The following ADGB variants were observed in gnomAD, a reference collection of about 807,000 sequenced individuals.
ADGB encodes calpain-7-like protein.
Under a neutral mutation model 210.5 loss-of-function variants are expected in ADGB, and 172 were observed. That is an observed-to-expected ratio of 0.82 (90% confidence interval 0.72 to 0.93). The LOEUF is 0.93. Ranked by LOEUF, ADGB falls within the 40% of genes least tolerant of loss-of-function variation. ADGB has a pLI of 0.00. For synonymous variants in ADGB, 658 were observed against 662.7 expected (o/e 0.99, Z 0.11); for missense variants, 2,025 against 1,964.8 (o/e 1.03, Z -0.58).
At chr6:146,624,516 G>T (rs907283282) in intron 1 of ADGB, among the ~76,000 whole-genome samples, 1 of 151,596 alleles carries the variant, frequency 6.6e-6, no homozygotes, top group African/African-American at 2.4e-5. Flanking sequence ...TCTTTGATCT[G>T]CTCTATTATT....
intron 27 of ADGB, among the ~76,000 whole-genome samples, chr6:146,760,855 G>T (rs73583044): frequency 0.025 from 3,808 of 151,894 alleles, 147 homozygotes; most frequent in African/African-American, 0.086. Flanking sequence ...GACTAATGAT[G>T]TTGAGCATCT....
chr6:146,796,109 GA>G (rs946833113), intron 33 of ADGB, among the ~76,000 whole-genome samples: 1 of 151,524 alleles, frequency 6.6e-6, no homozygotes, highest in Non-Finnish European at 1.5e-5. Context: ...TAGCTGCAAA[GA>G]AAAAAAACTT....
At chr6:146,658,297 T>C (rs1376944804) in intron 5 of ADGB, among the ~76,000 whole-genome samples, 1 of 152,158 alleles carries the variant, frequency 6.6e-6, no homozygotes, top group African/African-American at 2.4e-5. Flanking sequence ...TTTATCTTAT[T>C]TATTTACCAA....
chr6:146,766,140 G>A (rs1255333401), intron 28 of ADGB, among the ~76,000 whole-genome samples: 1 of 151,214 alleles, frequency 6.6e-6, no homozygotes, highest in Non-Finnish European at 1.5e-5. Flanking sequence ...GGTGAGGGGG[G>A]CGGTGAGCGC....
At chr6:146,678,649 G>A (rs540853527) in intron 9 of ADGB, among the ~76,000 whole-genome samples, 6 of 151,968 alleles carry the variant, frequency 3.9e-5, no homozygotes, top group South Asian at 4.1e-4. Context: ...TTATGACAAC[G>A]GTCATTACAA....
intron 3 of ADGB, among the ~76,000 whole-genome samples, chr6:146,653,743 AAAAAAT>A (rs1490432592): frequency 1.3e-5 from 2 of 152,322 alleles, no homozygotes; most frequent in Non-Finnish European, 2.9e-5. Flanking sequence ...CTTAAAAGTT[AAAAAAT>A]AAAAATAAAA....
chr6:146,669,321 TCAC>T (rs977539038), intron 7 of ADGB, among the ~76,000 whole-genome samples: 9 of 152,028 alleles, frequency 5.9e-5, no homozygotes, highest in African/African-American at 2.2e-4. Context: ...TATTTTCCAG[TCAC>T]CAGTTCATTT....
At chr6:146,640,209 G>C (rs1775486347) in intron 2 of ADGB, among the ~76,000 whole-genome samples, 1 of 151,978 alleles carries the variant, frequency 6.6e-6, no homozygotes, top group African/African-American at 2.4e-5. Context: ...GACTGAGCCA[G>C]GAAGAAACTG....
intron 3 of ADGB, among the ~76,000 whole-genome samples, chr6:146,652,600 C>T (rs1052474564): frequency 5.9e-5 from 9 of 151,670 alleles, no homozygotes; most frequent in Non-Finnish European, 1.2e-4. Context: ...TTTGTATTTC[C>T]CTATTAGTTT....
chr6:146,622,276 G>T (rs1171366391), intron 1 of ADGB, among the ~76,000 whole-genome samples: 1 of 152,042 alleles, frequency 6.6e-6, no homozygotes, highest in African/African-American at 2.4e-5. Context: ...GTTCTGGTGG[G>T]CTCAGCTAGT....
intron 29 of ADGB, among the ~76,000 whole-genome samples, chr6:146,771,496 C>T (rs538249185): frequency 6.6e-6 from 1 of 152,238 alleles, no homozygotes; most frequent in Admixed American, 6.5e-5. Flanking sequence ...GTAACCATTA[C>T]CCTATTCCTA....
intron 2 of ADGB, among the ~76,000 whole-genome samples, chr6:146,643,676 T>C (rs1266962607): frequency 6.6e-6 from 1 of 151,866 alleles, no homozygotes; most frequent in Non-Finnish European, 1.5e-5. Context: ...CTTGGGCATT[T>C]ATCCCAGATA....
At chr6:146,755,429 T>A (rs1353093193) in intron 27 of ADGB, among the ~76,000 whole-genome samples, 1 of 152,072 alleles carries the variant, frequency 6.6e-6, no homozygotes, top group African/African-American at 2.4e-5. Context: ...ATTTTCGGGA[T>A]AGTAAGTGAG....
intron 7 of ADGB, among the ~76,000 whole-genome samples, chr6:146,667,615 C>A (rs139886524): frequency 4.2e-4 from 64 of 151,952 alleles, no homozygotes; most frequent in East Asian, 1.2e-3. Context: ...TTTAAATATC[C>A]GATGTACAAA....
In ADGB at chr6:146,666,822, TG is replaced by T; in HGVS notation, c.760del (p.Val254Ter). On this transcript the variant is annotated frameshift_variant, in exon 7 of 36. Coordinates refer to ENST00000397944, the MANE Select transcript of ADGB (RefSeq NM_024694.4). LOFTEE classifies it high-confidence loss of function. ...TATGCATGTTCTTTTTTAGCATCCA[TG>T]TAGCAGACAGGAGAGAGCTGGGGGA... is the stretch of plus-strand genomic sequence containing the variant. ...IIKLANIDIH[V>X]ADRRELGEFT... 2 of 1,546,724 alleles carry T rather than the reference TG, an allele frequency of 1.3e-6. No individual in the cohort carries two copies. The highest frequency in any genetic ancestry group is 1.7e-6 in the Non-Finnish European group (2 of 1,143,436).
At chr6:146,784,322 ATCTG>A (rs1777842019) in intron 30 of ADGB, among the ~76,000 whole-genome samples, 1 of 152,148 alleles carries the variant, frequency 6.6e-6, no homozygotes, top group Admixed American at 6.6e-5. Context: ...AAAGTATAAT[ATCTG>A]TCTGTGGTGT....
intron 13 of ADGB, among the ~76,000 whole-genome samples, chr6:146,714,315 GTT>G (rs61107324): frequency 0.3 from 44,308 of 146,080 alleles, 9,019 homozygotes; most frequent in African/African-American, 0.59. Context: ...TGTGCATCTT[GTT>G]TTTTTTTTTT....
chr6:146,601,585 C>T (rs923717508), intron 1 of ADGB, among the ~76,000 whole-genome samples: 8 of 152,172 alleles, frequency 5.3e-5, no homozygotes, highest in Non-Finnish European at 7.4e-5. Context: ...TAAAATACAC[C>T]GGGAGATTTA....
In ADGB at chr6:146,697,366, G is replaced by A. The variant is rs566906555; in HGVS notation, c.1578-3575G>A. The stretch of plus-strand genomic sequence containing the variant: ...GGTTATACACATATATCAAAGACTA[G>A]CAAATTTACACTTTGAATTTGTGCA... On this transcript the variant is annotated intron_variant, in intron 12 of 35. Coordinates refer to ENST00000397944, the MANE Select transcript of ADGB (RefSeq NM_024694.4). 1.8e-4 allele frequency among the ~76,000 whole-genome samples: 28 copies of A among 152,226 alleles called. 1 individual carries two copies. The highest frequency in any genetic ancestry group is 1.2e-3 in the Admixed American group (19 of 15,284).
Sources: allele counts gnomAD v4.1 joint callset (sites outside exome capture counted in the v4.1 genomes callset), GRCh38; gene constraint gnomAD v4.1.1; transcripts MANE v1.5; gene names NCBI Gene and HGNC (gene_info 2026-07-23, HGNC 2026-07-21).